Variants in COG4 observed in about 807,000 individuals in gnomAD.
The protein encoded by COG4 is component of oligomeric golgi complex 4.
COG4 carries 65 observed loss-of-function variants against 95.1 expected under a neutral mutation model. That is an observed-to-expected ratio of 0.68 (90% CI 0.56 to 0.84). The LOEUF (loss-of-function observed/expected upper bound fraction) is 0.84. Ranked by LOEUF, COG4 falls within the 40% of genes least tolerant of loss-of-function variation. COG4 has a pLI of 0.00. For synonymous variants in COG4, 421 were observed against 374.8 expected, an observed-to-expected ratio of 1.12 and a Z score of -1.42; for missense variants, 1,045 against 989.1, an observed-to-expected ratio of 1.06 and a Z score of -0.76.
chr16:70,514,496 T>A lies in COG4; in HGVS notation c.383A>T (p.Gln128Leu). Reference protein sequence around the residue: ...QLDLAKNRLYQAIQRADDILD... With the variant: ...QLDLAKNRLYLAIQRADDILD... ...GATGTCATCAGCTCTCTGAATGGCC[T>A]GATAGAGGCGGTTCTGCAAAAAGAT... The change falls in exon 4 of 19, where the codon CAG (glutamine) becomes CTG (leucine). Residue 128 changes from glutamine (Q) to leucine (L), a missense_variant. Physicochemically the swap from Gln to Leu is moderately radical, Grantham distance 113. Coordinates refer to ENST00000323786, the MANE Select transcript of COG4 (RefSeq NM_015386.3). The A allele has an allele frequency of 6.2e-7, 1 of 1,614,074 alleles. No individual in the cohort carries two copies. Among genetic ancestry groups the A allele is most frequent in the Non-Finnish European group, 8.5e-7 (1 of 1,180,008 alleles).
rs776426825 is a variant in COG4 at position 70,481,766 on chromosome 16, G to A, written c.2104C>T (p.Arg702Trp). The change falls in exon 17 of 19, where the codon CGG becomes TGG. Residue 702 changes from arginine (R) to tryptophan (W), a missense_variant and splice_region_variant. Physicochemically the swap from Arg to Trp is moderately radical, Grantham distance 101. Coordinates refer to ENST00000323786, the MANE Select transcript of COG4 (RefSeq NM_015386.3). ...EKVVLKSTFN[R>W]LGGLQFDKEL... ...GACCCATGACCCCTTTACCTTACCC[G>A]GTTAAAGGTGGATTTCAGCACCACT... is the stretch of plus-strand genomic sequence containing the variant. 3.1e-6 allele frequency: 5 copies of A among 1,612,182 alleles called. No homozygotes were observed. Among genetic ancestry groups the A allele is most frequent in the Admixed American group, 1.7e-5 (1 of 59,970 alleles).
At chr16:70,513,599 C>T (rs1032379815) in intron 4 of COG4, among the ~76,000 whole-genome samples, 9 of 152,074 alleles carry the variant, frequency 5.9e-5, no homozygotes, top group African/African-American at 2.2e-4. Context: ...TAACAACATA[C>T]CATGATAAAG....
At chr16:70,506,621 A>AAAAAAAAAAAAAT (rs2049579854) in intron 8 of COG4, among the ~76,000 whole-genome samples, 1 of 132,798 alleles carries the variant, frequency 7.5e-6, no homozygotes, top group Non-Finnish European at 1.6e-5. Context: ...AAAAAAACAA[A>AAAAAAAAAAAAAT]AAAAAAAACA....
intron 2 of COG4, 26 bp from the exon 3 acceptor site, chr16:70,517,766 A>G: frequency 6.7e-7 from 1 of 1,484,450 alleles, no homozygotes; most frequent in Non-Finnish European, 9.4e-7. Flanking sequence ...GTTAGCATAC[A>G]CATAACGATA....
intron 12 of COG4, 59 bp from the exon 13 acceptor site, chr16:70,490,451 A>G (rs1466031102): frequency 7.3e-7 from 1 of 1,374,658 alleles, no homozygotes; most frequent in African/African-American, 1.4e-5. Flanking sequence ...CACCCACTCC[A>G]ATGCCAGACT....
rs1262630673 is a variant in COG4, at chr16:70,501,040, C to T, written c.1113G>A (p.Glu371=). Reference sequence around the variant, plus strand: ...TCTTCTTGAGGAAGCGTAAGTATAGCTCACTGCGGGCATTCATCAGGGTGA... The same window carrying T: ...TCTTCTTGAGGAAGCGTAAGTATAGTTCACTGCGGGCATTCATCAGGGTGA... ...TEVTLMNARS[E]LYLRFLKKRI... is the part of the protein sequence containing the mutation. The change falls in exon 9 of 19, where the codon GAG becomes GAA. Residue 371 remains glutamate (E), a synonymous_variant. Coordinates refer to ENST00000323786, the MANE Select transcript of COG4 (RefSeq NM_015386.3). 1 of 1,614,032 alleles carries T rather than the reference C, an allele frequency of 6.2e-7. No individual in the cohort carries two copies. The highest frequency in any genetic ancestry group is 1.7e-5 in the Admixed American group (1 of 60,016).
chr16:70,492,157 A>G (rs955336528), intron 12 of COG4, among the ~76,000 whole-genome samples: 2 of 152,186 alleles, frequency 1.3e-5, no homozygotes, highest in Non-Finnish European at 2.9e-5. Context: ...GTTCCTGGAC[A>G]GTGGCCACCT....
chr16:70,508,318 G>T, intron 8 of COG4, 88 bp downstream of exon 8: 2 of 1,084,388 alleles, frequency 1.8e-6, no homozygotes, highest in South Asian at 1.3e-5. Flanking sequence ...TAAAAACATA[G>T]ACCACATTGT....
At chr16:70,506,269 G>A (rs952972911) in intron 8 of COG4, among the ~76,000 whole-genome samples, 2 of 151,990 alleles carry the variant, frequency 1.3e-5, no homozygotes, top group African/African-American at 2.4e-5. Context: ...TGGGCATGGT[G>A]GTGGGCGACT....
chr16:70,489,646 A>C (rs1468001079), intron 13 of COG4, among the ~76,000 whole-genome samples: 1 of 146,884 alleles, frequency 6.8e-6, no homozygotes, highest in Non-Finnish European at 1.5e-5. Context: ...CAAAATGTTA[A>C]GCTTACAGGT....
intron 17 of COG4, 123 bp downstream of exon 17, chr16:70,481,641 G>A (rs1007896801): frequency 7.3e-7 from 1 of 1,368,100 alleles, no homozygotes; most frequent in South Asian, 1.2e-5. Flanking sequence ...AGCAGGACTG[G>A]ACCCAGACAT....
chr16:70,514,956 C>T (rs965718757), intron 3 of COG4, among the ~76,000 whole-genome samples: 3 of 151,626 alleles, frequency 2.0e-5, no homozygotes, highest in African/African-American at 4.8e-5. Context: ...TCAAGCTATC[C>T]GCCTGCCTTG....
intron 12 of COG4, among the ~76,000 whole-genome samples, chr16:70,491,344 G>A (rs1248932499): frequency 6.6e-6 from 1 of 151,620 alleles, no homozygotes; most frequent in African/African-American, 2.4e-5. Flanking sequence ...GTGAAACCCT[G>A]TCTCTAATAA....
chr16:70,510,204 G>A (rs916575399), intron 5 of COG4, among the ~76,000 whole-genome samples, 183 bp from the exon 6 acceptor site: 2 of 152,210 alleles, frequency 1.3e-5, no homozygotes, highest in Admixed American at 6.5e-5. Context: ...GGCAGGACAA[G>A]GAAAGTGAGC....
At chr16:70,502,770 T>C (rs1038033650) in intron 8 of COG4, among the ~76,000 whole-genome samples, 1 of 152,186 alleles carries the variant, frequency 6.6e-6, no homozygotes, top group Admixed American at 6.5e-5. Flanking sequence ...GGAATCCCAC[T>C]TTCTAATTTC....
At chr16:70,500,608 G>A (rs1430394654) in intron 9 of COG4, among the ~76,000 whole-genome samples, 6 of 151,890 alleles carry the variant, frequency 4.0e-5, no homozygotes, top group Admixed American at 6.6e-5. Context: ...TAATCCACCC[G>A]CCTCAGTCTC....
rs1232624379 is a variant in COG4, at chr16:70,508,819, A to C, written c.1003-355T>G. On this transcript the variant is annotated intron_variant, in intron 7 of 18. Coordinates refer to ENST00000323786, the MANE Select transcript of COG4 (RefSeq NM_015386.3). ...TCTCTGCTCAAAAGAAGGAAAAAAC[A>C]AAGTTCTGAAAAAGCAAACGTTATC... 1.3e-5 allele frequency: 7 copies of C among 545,926 alleles called. 1 individual carries two copies. The Admixed American group carries it at 1.3e-4, about 10-fold the overall frequency. The allele number at this position is 545,926 out of a possible 1,614,324, so 33.8% of individuals were successfully genotyped here.
chr16:70,508,507 A>T, intron 7 of COG4, 43 bp from the exon 8 acceptor site: 1 of 1,548,286 alleles, frequency 6.5e-7, no homozygotes, highest in East Asian at 2.2e-5. Context: ...CCCCACCCCC[A>T]CATCTATTGG....
Position 70,523,514 on chromosome 16 carries a change from C to A in COG4, c.30G>T (p.Ser10=), listed in dbSNP as rs199876102. 2 of 1,613,910 alleles carry A rather than the reference C, an allele frequency of 1.2e-6. No homozygotes were observed. Among genetic ancestry groups the A allele is most frequent in the Admixed American group, 1.7e-5 (1 of 59,990 alleles). MGTKMADLD[S]PPKLSGVQQP... ...GCTGCACCCCTGACAGCTTCGGAGG[C>A]GAATCAAGGTCCGCCATCTTGGTCC... Residue 10 remains serine (S), a synonymous_variant, in exon 1 of 19, where the codon TCG becomes TCT. Transcript: ENST00000323786.
Sources: gnomAD v4.1 joint callset for allele counts (sites outside exome capture counted in the v4.1 genomes callset) on GRCh38, gnomAD v4.1.1 for gene constraint, MANE v1.5 for transcripts, NCBI Gene and HGNC (gene_info 2026-07-23, HGNC 2026-07-21) for gene names.